Variants in ZCCHC7 observed in about 807,000 individuals in gnomAD.
ZCCHC7 encodes zinc finger CCHC domain-containing protein 7.
In ZCCHC7, 35 loss-of-function variants were observed where a neutral mutation model predicts 52.0. The ratio of observed to expected loss-of-function variants is 0.67; its 90% CI spans 0.51 to 0.89. The LOEUF is 0.89. Among genes scored for constraint, ZCCHC7 ranks in the 40% least tolerant of loss-of-function variants. The pLI, the probability that ZCCHC7 is intolerant of heterozygous loss-of-function variation, is 0.00. For missense variants in ZCCHC7, 574 were observed against 649.1 expected (o/e 0.88, Z 1.26); for synonymous variants, 217 against 221.5 (o/e 0.98, Z 0.18).
rs73448478 is a variant in ZCCHC7 at position 37,241,388 on chromosome 9, T to C, written c.611-60800T>C. Among the ~76,000 whole-genome samples the C allele has an allele frequency of 4.4e-3, 668 of 151,966 alleles. 3 individuals carry two copies. Among genetic ancestry groups the C allele is most frequent in the African/African-American group, 0.015 (639 of 41,532 alleles). The stretch of plus-strand genomic sequence containing the variant: ...TTCCAAGTAGTGGAATTTTATACAT[T>C]TTATAATGCCATAGCAAAGCACGAT... On this transcript the variant is annotated intron_variant, in intron 2 of 8. Coordinates refer to ENST00000336755, the MANE Select transcript of ZCCHC7 (RefSeq NM_032226.3).
At chr9:37,248,499 A>C (rs1054142746) in intron 2 of ZCCHC7, among the ~76,000 whole-genome samples, 3 of 152,364 alleles carry the variant, frequency 2.0e-5, no homozygotes, top group African/African-American at 7.2e-5. Context: ...AACTTCAGTT[A>C]ATCCAGATTT....
intron 2 of ZCCHC7, among the ~76,000 whole-genome samples, chr9:37,272,393 A>T (rs1827461888): frequency 6.6e-6 from 1 of 151,964 alleles, no homozygotes; most frequent in South Asian, 2.1e-4. Flanking sequence ...TATAAAATAC[A>T]TACATAAAAC....
At chr9:37,327,739 C>T (rs1340266247) in intron 5 of ZCCHC7, 60 bp from the exon 6 acceptor site, 70 of 1,599,826 alleles carry the variant, frequency 4.4e-5, no homozygotes, top group Non-Finnish European at 5.8e-5. Context: ...ATGCCAAAAC[C>T]AACAGGCTGT....
intron 3 of ZCCHC7, among the ~76,000 whole-genome samples, chr9:37,303,334 A>G (rs1829125917): frequency 6.6e-6 from 1 of 151,870 alleles, no homozygotes; most frequent in South Asian, 2.1e-4. Flanking sequence ...CTGAGGCAGG[A>G]GAATCGCTTG....
At chr9:37,140,994 T>G (rs1236287231) in intron 2 of ZCCHC7, among the ~76,000 whole-genome samples, 1 of 152,024 alleles carries the variant, frequency 6.6e-6, no homozygotes, top group East Asian at 1.9e-4. Context: ...GGAAAAAAAT[T>G]TAATGCTTAT....
intron 2 of ZCCHC7, among the ~76,000 whole-genome samples, chr9:37,265,351 G>T (rs1367177983): frequency 6.6e-6 from 1 of 152,046 alleles, no homozygotes; most frequent in Non-Finnish European, 1.5e-5. Flanking sequence ...CCTAGTAAAG[G>T]GATTCTTTCT....
chr9:37,148,354 A>C (rs1160794227), intron 2 of ZCCHC7, among the ~76,000 whole-genome samples: 1 of 152,088 alleles, frequency 6.6e-6, no homozygotes, highest in Non-Finnish European at 1.5e-5. Flanking sequence ...CATGGGGTGC[A>C]GGAGAGGAAA....
intron 2 of ZCCHC7, among the ~76,000 whole-genome samples, chr9:37,222,389 AAAG>A (rs1358885151): frequency 2.7e-5 from 4 of 149,680 alleles, no homozygotes; most frequent in South Asian, 2.1e-4. Flanking sequence ...TTTCAAGTAT[AAAG>A]AAGAGTGTAG....
chr9:37,336,521 A>C (rs1830669998), intron 6 of ZCCHC7, among the ~76,000 whole-genome samples: 1 of 152,124 alleles, frequency 6.6e-6, no homozygotes, highest in Non-Finnish European at 1.5e-5. Context: ...CATGTGTTGT[A>C]AGTCATGTGG....
At chr9:37,236,725 G>A (rs1260597103) in intron 2 of ZCCHC7, among the ~76,000 whole-genome samples, 1 of 152,158 alleles carries the variant, frequency 6.6e-6, no homozygotes, top group African/African-American at 2.4e-5. Flanking sequence ...CCTATGCATA[G>A]CATACAGTAA....
chr9:37,317,262 C>T (rs1829864015), intron 5 of ZCCHC7, among the ~76,000 whole-genome samples: 1 of 152,100 alleles, frequency 6.6e-6, no homozygotes, highest in Non-Finnish European at 1.5e-5. Flanking sequence ...ATCTCTAAAG[C>T]CTAGAAGATT....
chr9:37,347,127 A>G (rs918095336), intron 6 of ZCCHC7, among the ~76,000 whole-genome samples: 1 of 152,220 alleles, frequency 6.6e-6, no homozygotes, highest in African/African-American at 2.4e-5. Context: ...GGGGGTGTGC[A>G]GGGGTTAGGT....
intron 2 of ZCCHC7, among the ~76,000 whole-genome samples, chr9:37,202,671 G>A (rs1176485380): frequency 6.6e-6 from 1 of 152,076 alleles, no homozygotes; most frequent in Non-Finnish European, 1.5e-5. Context: ...TTGTAGAGAT[G>A]GGGTTTTACT....
intron 2 of ZCCHC7, among the ~76,000 whole-genome samples, chr9:37,229,600 T>C (rs1281667878): frequency 1.3e-5 from 2 of 152,184 alleles, no homozygotes; most frequent in African/African-American, 2.4e-5. Flanking sequence ...ATAAAAGTGG[T>C]ATACTTGTAT....
intron 2 of ZCCHC7, among the ~76,000 whole-genome samples, chr9:37,247,280 G>T (rs563374284): frequency 5.3e-4 from 81 of 152,154 alleles, no homozygotes; most frequent in Non-Finnish European, 8.7e-4. Flanking sequence ...GTTTAAAAAT[G>T]TAGTGATATC....
intron 2 of ZCCHC7, among the ~76,000 whole-genome samples, chr9:37,289,513 A>G (rs1338818483): frequency 6.6e-6 from 1 of 152,112 alleles, no homozygotes; most frequent in Non-Finnish European, 1.5e-5. Context: ...TTATATTCAG[A>G]ATTCCTCTAC....
chr9:37,159,280 C>T (rs777780136), intron 2 of ZCCHC7, among the ~76,000 whole-genome samples: 2 of 152,138 alleles, frequency 1.3e-5, no homozygotes, highest in Non-Finnish European at 2.9e-5. Context: ...ACATTTTAAT[C>T]TATCTTTGGA....
chr9:37,268,854 A>G (rs906881067), intron 2 of ZCCHC7, among the ~76,000 whole-genome samples: 1 of 152,226 alleles, frequency 6.6e-6, no homozygotes, highest in African/African-American at 2.4e-5. Context: ...TGGTCTTTCA[A>G]CAAATGTATT....
At chr9:37,289,206 G>A (rs1828409524) in intron 2 of ZCCHC7, among the ~76,000 whole-genome samples, 1 of 150,882 alleles carries the variant, frequency 6.6e-6, no homozygotes, top group Non-Finnish European at 1.5e-5. Context: ...CTGGAGTGCA[G>A]TGGTGTGGTC....
Sources: gnomAD v4.1 joint callset for allele counts (sites outside exome capture counted in the v4.1 genomes callset) on GRCh38, gnomAD v4.1.1 for gene constraint, MANE v1.5 for transcripts, NCBI Gene and HGNC (gene_info 2026-07-23, HGNC 2026-07-21) for gene names.